Variants in EPHA5 observed in about 807,000 individuals in gnomAD.
The protein encoded by EPHA5 is ephrin type-A receptor 5.
Under a neutral mutation model 105.0 loss-of-function variants are expected in EPHA5, and 60 were observed. The ratio of observed to expected loss-of-function variants is 0.57; its 90% CI spans 0.46 to 0.71. The LOEUF is 0.71. Ranked by LOEUF, EPHA5 falls within the 30% of genes least tolerant of loss-of-function variation. The pLI is 0.00. For missense variants in EPHA5, 1,218 were observed against 1,274.7 expected (o/e 0.96, Z 0.68); for synonymous variants, 513 against 449.1 (o/e 1.14, Z -1.80).
rs1468906921 is a variant in EPHA5, at chr4:65,323,566, T to C, written c.*548A>G. 2 of 230,134 alleles carry C rather than the reference T, an allele frequency of 8.7e-6. No individual in the cohort carries two copies. Among genetic ancestry groups the C allele is most frequent in the African/African-American group, 4.4e-5 (2 of 45,140 alleles). 14.3% of individuals were successfully genotyped at this position (230,134 alleles called of 1,614,324 possible). On this transcript the variant is annotated 3_prime_UTR_variant, in exon 17 of 17. Coordinates refer to ENST00000613740, the MANE Select transcript of EPHA5 (RefSeq NM_001281766.3). ...TCAAGCAACATGTTTACACACTAGT[T>C]TCTATAACTTAACGCTGTGTAACAG... is the stretch of plus-strand genomic sequence containing the variant.
intron 8 of EPHA5, among the ~76,000 whole-genome samples, chr4:65,401,958 G>A (rs1236508761): frequency 2.0e-5 from 3 of 151,398 alleles, no homozygotes; most frequent in Admixed American, 6.6e-5. Flanking sequence ...AGATGGTTAG[G>A]CTTTGTGTCC....
intron 5 of EPHA5, among the ~76,000 whole-genome samples, chr4:65,466,528 T>A (rs1470654763): frequency 6.6e-6 from 1 of 152,158 alleles, no homozygotes; most frequent in Non-Finnish European, 1.5e-5. Context: ...GTGGCTGCTG[T>A]ATTAAAAATA....
intron 8 of EPHA5, among the ~76,000 whole-genome samples, chr4:65,383,946 G>GA (rs1719835473): frequency 6.6e-6 from 1 of 151,528 alleles, no homozygotes; most frequent in Non-Finnish European, 1.5e-5. Flanking sequence ...TCATATTCTG[G>GA]AAAAATATAA....
chr4:65,449,481 G>C (rs1304965887), intron 5 of EPHA5, among the ~76,000 whole-genome samples: 1 of 152,120 alleles, frequency 6.6e-6, no homozygotes, highest in East Asian at 1.9e-4. Context: ...AGCAGAAAGG[G>C]ATATGTACAA....
chr4:65,645,670 A>T (rs960771834), intron 1 of EPHA5, among the ~76,000 whole-genome samples: 5 of 152,074 alleles, frequency 3.3e-5, no homozygotes, highest in African/African-American at 7.2e-5. Flanking sequence ...ATTACCTCAA[A>T]AAACTAGCTT....
intron 3 of EPHA5, among the ~76,000 whole-genome samples, chr4:65,519,073 T>A (rs561663240): frequency 1.4e-4 from 22 of 152,022 alleles, no homozygotes; most frequent in South Asian, 6.2e-4. Context: ...TCAATAAAAT[T>A]CTGGCAAACT....
At chr4:65,492,870 T>G (rs567352914) in intron 4 of EPHA5, among the ~76,000 whole-genome samples, 47 of 152,292 alleles carry the variant, frequency 3.1e-4, no homozygotes, top group Non-Finnish European at 6.2e-4. Context: ...ACTATAAACT[T>G]TAGCTTATTT....
rs780776178 is a variant in EPHA5 at position 65,335,925 on chromosome 4, C to G, written c.2789+7G>C. ...TTCTGGAAAATCACTCGGATCTGGC[C>G]TTGTACCTGCAGGATGCATTAACCA... On this transcript the variant is annotated splice_region_variant and intron_variant, in intron 15 of 16. Coordinates refer to ENST00000613740, the MANE Select transcript of EPHA5 (RefSeq NM_001281766.3). The G allele has an allele frequency of 5.0e-6, 8 of 1,600,020 alleles. No individual in the cohort carries two copies. The highest frequency in any genetic ancestry group is 6.8e-6 in the Non-Finnish European group (8 of 1,172,752).
At chr4:65,595,567 T>G (rs1743085248) in intron 3 of EPHA5, among the ~76,000 whole-genome samples, 1 of 148,604 alleles carries the variant, frequency 6.7e-6, no homozygotes. Context: ...AATTTTTATA[T>G]AATATCTCAC....
At chr4:65,428,071 T>C (rs1724621367) in intron 5 of EPHA5, among the ~76,000 whole-genome samples, 1 of 152,260 alleles carries the variant, frequency 6.6e-6, no homozygotes, top group South Asian at 2.1e-4. Context: ...ACGTCTTCTG[T>C]AGCTGGTTTA....
rs1173523898 is a variant in EPHA5, at chr4:65,601,869, C to A, written c.682G>T (p.Val228Leu). Residue 228 changes from valine to leucine, a missense_variant, in exon 3 of 17, where the codon GTA becomes TTA. Physicochemically the swap from Val to Leu is conservative, Grantham distance 32 (BLOSUM62 1). Transcript: ENST00000613740. ...ACAGAAGGGCATTTTTTATAGTATA[C>A]ACGCACAGAAACCAGAGCAATGCAA... ...GACIALVSVR[V>L]YYKKCPSVVR... 6.2e-7 allele frequency: 1 copy of A among 1,614,000 alleles called. No homozygotes were observed. The highest frequency in any genetic ancestry group is 1.3e-5 in the African/African-American group (1 of 74,886).
chr4:65,467,872 G>A (rs1466118212), intron 5 of EPHA5, among the ~76,000 whole-genome samples: 1 of 152,080 alleles, frequency 6.6e-6, no homozygotes, highest in Admixed American at 6.6e-5. Context: ...ATGAGGTCAG[G>A]GCGAAGCAAT....
chr4:65,656,836 C>T (rs1749112579), intron 1 of EPHA5, among the ~76,000 whole-genome samples: 1 of 150,944 alleles, frequency 6.6e-6, no homozygotes, highest in Admixed American at 6.6e-5. Context: ...TTTAACCCTC[C>T]CATCTAGAGG....
At chr4:65,549,434 A>G (rs1366152689) in intron 3 of EPHA5, among the ~76,000 whole-genome samples, 1 of 152,180 alleles carries the variant, frequency 6.6e-6, no homozygotes, top group Non-Finnish European at 1.5e-5. Flanking sequence ...TGCCAAAATT[A>G]TATTCAACGT....
At chr4:65,439,114 C>T (rs549883174) in intron 5 of EPHA5, among the ~76,000 whole-genome samples, 1 of 152,048 alleles carries the variant, frequency 6.6e-6, no homozygotes, top group Non-Finnish European at 1.5e-5. Flanking sequence ...CTACAACTAG[C>T]AGTGCAGTTG....
At chr4:65,380,803 C>T (rs1464789058) in intron 8 of EPHA5, among the ~76,000 whole-genome samples, 1 of 151,762 alleles carries the variant, frequency 6.6e-6, no homozygotes, top group Admixed American at 6.6e-5. Context: ...GCAAGTGACA[C>T]TGAAAAGTGG....
chr4:65,487,961 C>T (rs1337792112), intron 5 of EPHA5, among the ~76,000 whole-genome samples: 1 of 152,080 alleles, frequency 6.6e-6, no homozygotes, highest in African/African-American at 2.4e-5. Context: ...CTTAGTGATT[C>T]TGGAATGCTG....
At chr4:65,560,416 A>G (rs1738890826) in intron 3 of EPHA5, among the ~76,000 whole-genome samples, 1 of 152,060 alleles carries the variant, frequency 6.6e-6, no homozygotes, top group Admixed American at 6.6e-5. Context: ...TAAGAAACGG[A>G]TATTTTTTCC....
chr4:65,346,113 T>C (rs1722205349), intron 14 of EPHA5, among the ~76,000 whole-genome samples: 1 of 151,808 alleles, frequency 6.6e-6, no homozygotes, highest in Admixed American at 6.6e-5. Flanking sequence ...TGTAGTTCTT[T>C]TATTTAAAAA....
Sources: allele counts gnomAD v4.1 joint callset (sites outside exome capture counted in the v4.1 genomes callset), GRCh38; gene constraint gnomAD v4.1.1; transcripts MANE v1.5; gene names NCBI Gene and HGNC (gene_info 2026-07-23, HGNC 2026-07-21).